Variants in RBPJ observed in about 807,000 individuals in gnomAD.
The protein encoded by RBPJ is recombining binding protein suppressor of hairless.
Under a neutral mutation model 67.8 loss-of-function variants are expected in RBPJ, and 9 were observed. The ratio of observed to expected loss-of-function variants is 0.13; its 90% confidence interval spans 0.08 to 0.23. The LOEUF (loss-of-function observed/expected upper bound fraction) is 0.23, where lower values mean the gene tolerates loss of function less well. RBPJ is among the 10% of genes least tolerant of loss of function. The pLI, the probability that RBPJ is intolerant of heterozygous loss-of-function variation, is 1.00. For missense variants in RBPJ, 305 were observed against 595.6 expected, an observed-to-expected ratio of 0.51 and a Z score of 5.08; for synonymous variants, 198 against 203.3, an observed-to-expected ratio of 0.97 and a Z score of 0.22.
intron 1 of RBPJ, among the ~76,000 whole-genome samples, chr4:26,307,446 T>C (rs2109304520): frequency 1.3e-5 from 2 of 152,386 alleles, no homozygotes; most frequent in South Asian, 4.1e-4. Flanking sequence ...TTTCATTGCT[T>C]ATTTCGGAAA....
upstream of RBPJ, among the ~76,000 whole-genome samples, chr4:26,314,899 C>A (rs1277889955): frequency 1.3e-5 from 2 of 151,932 alleles, no homozygotes; most frequent in Non-Finnish European, 2.9e-5. Flanking sequence ...GTAATCTCAA[C>A]ATTTTGGGAG....
chr4:26,249,622 C>G (rs998240769), intron 1 of RBPJ, among the ~76,000 whole-genome samples: 4 of 152,028 alleles, frequency 2.6e-5, no homozygotes, highest in African/African-American at 9.7e-5. Context: ...GATCCCGCCA[C>G]TGCACTCCAG....
rs554728154 is a variant in RBPJ at position 26,238,685 on chromosome 4, G to A, written c.-167+75071G>A. 1.9e-3 allele frequency among the ~76,000 whole-genome samples: 283 copies of A among 152,262 alleles called. 1 individual carries two copies. The highest frequency in any genetic ancestry group is 5.8e-3 in the African/African-American group (242 of 41,556). ...ATGCAGTCGTTTTGAGAGCAGCTTT[G>A]GGGAGAGGGTTGGGCCAGCAGTTGG... On this transcript the variant is annotated intron_variant, in intron 1 of 4. Coordinates refer to the RBPJ transcript ENST00000512351.
intron 1 of RBPJ, among the ~76,000 whole-genome samples, chr4:26,204,689 C>CT (rs1464045781): frequency 2.0e-5 from 3 of 152,300 alleles, no homozygotes; most frequent in Middle Eastern, 3.4e-3. Context: ...CCAACACCAC[C>CT]AGCTATGAGA....
chr4:26,296,798 C>T (rs1232624990), intron 1 of RBPJ, among the ~76,000 whole-genome samples: 2 of 152,120 alleles, frequency 1.3e-5, no homozygotes, highest in Non-Finnish European at 2.9e-5. Context: ...AAGCAACATC[C>T]ATTTAAAATA....
intron 1 of RBPJ, among the ~76,000 whole-genome samples, chr4:26,228,558 C>T (rs1418166881): frequency 6.6e-6 from 1 of 152,178 alleles, no homozygotes; most frequent in Admixed American, 6.5e-5. Flanking sequence ...CCTGTATTTC[C>T]TGATTTGCAT....
chr4:26,197,721 C>A (rs112157699), intron 1 of RBPJ, among the ~76,000 whole-genome samples: 2 of 152,060 alleles, frequency 1.3e-5, no homozygotes, highest in Non-Finnish European at 1.5e-5. Flanking sequence ...GTTCCTCCAG[C>A]CTCCTCTGCT....
At chr4:26,224,203 T>G (rs934873937) in intron 1 of RBPJ, among the ~76,000 whole-genome samples, 1 of 152,138 alleles carries the variant, frequency 6.6e-6, no homozygotes, top group Non-Finnish European at 1.5e-5. Flanking sequence ...TCCCATTTAC[T>G]CCCATTGTGC....
In RBPJ at chr4:26,424,496, GC is replaced by G; in HGVS notation, c.634+18del. Reference sequence around the variant, plus strand: ...TTCATCTCTGTGAGTATAAAAGTGTGCATTTAATGTTTTTAGTGTGAAATTG... The same window carrying G: ...TTCATCTCTGTGAGTATAAAAGTGTGATTTAATGTTTTTAGTGTGAAATTG... On this transcript the variant is annotated intron_variant, in intron 6 of 10. Coordinates refer to ENST00000355476, the MANE Select transcript of RBPJ (RefSeq NM_015874.6). This position sits in a 1 kb window ranked among gnomAD's most constrained non-coding sequence, Gnocchi z 5.3. 6.2e-7 allele frequency: 1 copy of G among 1,610,448 alleles called. No homozygotes were observed. Among genetic ancestry groups the G allele is most frequent in the Non-Finnish European group, 8.5e-7 (1 of 1,178,184 alleles).
intron 1 of RBPJ, among the ~76,000 whole-genome samples, chr4:26,284,830 C>G (rs1721407823): frequency 6.6e-6 from 1 of 151,758 alleles, no homozygotes; most frequent in Non-Finnish European, 1.5e-5. Context: ...GTTGTGTGTC[C>G]TCCATCCCCA....
chr4:26,288,339 C>T (rs13142370), intron 1 of RBPJ, among the ~76,000 whole-genome samples: 53,708 of 152,084 alleles, frequency 0.35, 10,735 homozygotes, highest in Admixed American at 0.44. Context: ...TCCAAGGTGG[C>T]GCTCTCATGG....
chr4:26,211,048 C>A (rs1476459640), intron 1 of RBPJ, among the ~76,000 whole-genome samples: 3 of 152,028 alleles, frequency 2.0e-5, no homozygotes, highest in Non-Finnish European at 4.4e-5. Context: ...TGTATAGACT[C>A]CCATAACTTT....
At chr4:26,221,579 C>G (rs1393087887) in intron 1 of RBPJ, among the ~76,000 whole-genome samples, 1 of 151,972 alleles carries the variant, frequency 6.6e-6, no homozygotes, top group African/African-American at 2.4e-5. Context: ...ACGGCGAGAC[C>G]CTTGGGCTAG....
the RBPJ span, among the ~76,000 whole-genome samples, chr4:26,119,656 C>G: frequency 6.6e-6 from 1 of 152,166 alleles, no homozygotes; most frequent in Non-Finnish European, 1.5e-5. Flanking sequence ...GATGTTTTTC[C>G]AAATCACCAG....
chr4:26,229,365 C>G (rs1197063413), intron 1 of RBPJ, among the ~76,000 whole-genome samples: 1 of 152,144 alleles, frequency 6.6e-6, no homozygotes, highest in Non-Finnish European at 1.5e-5. Context: ...CCTGGCACAA[C>G]TCAGAAATGG....
At chr4:26,313,538 C>T (rs1298307691) in intron 1 of RBPJ, among the ~76,000 whole-genome samples, 11 of 152,120 alleles carry the variant, frequency 7.2e-5, no homozygotes, top group East Asian at 3.9e-4. Flanking sequence ...GGTGTGGTGG[C>T]GGGCGCCTGT....
the RBPJ span, among the ~76,000 whole-genome samples, chr4:26,110,298 G>A: frequency 2.6e-5 from 4 of 152,292 alleles, no homozygotes; most frequent in African/African-American, 7.2e-5. The surrounding 1 kb of genome is among the most constrained non-coding windows in gnomAD (Gnocchi z 4.5). Context: ...TGGAGGACAC[G>A]ACTTACTTGA....
intron 1 of RBPJ, among the ~76,000 whole-genome samples, chr4:26,352,888 C>G (rs1183358402): frequency 1.3e-5 from 2 of 152,238 alleles, no homozygotes; most frequent in Non-Finnish European, 2.9e-5. Context: ...AAATTAAAAT[C>G]TAATCCAGCA....
chr4:26,132,792 T>C, the RBPJ span, among the ~76,000 whole-genome samples: 1 of 152,198 alleles, frequency 6.6e-6, no homozygotes, highest in African/African-American at 2.4e-5. Flanking sequence ...TCTTTTCTGT[T>C]ACTCTTTACT....
Sources: gnomAD v4.1 joint callset for allele counts (sites outside exome capture counted in the v4.1 genomes callset) on GRCh38, gnomAD v4.1.1 for gene constraint, Gnocchi (gnomAD v3.1) non-coding constraint, MANE v1.5 for transcripts, NCBI Gene and HGNC (gene_info 2026-07-23, HGNC 2026-07-21) for gene names.